RAB38: variants seen among roughly 807,000 people sequenced by gnomAD.
The protein encoded by RAB38 is ras-related protein Rab-38.
In RAB38, 15 loss-of-function variants were observed where a neutral mutation model predicts 18.4. That is an observed-to-expected ratio of 0.82 (90% CI 0.55 to 1.26). RAB38 has a LOEUF of 1.26. Among genes scored for constraint, RAB38 ranks in the 50% most tolerant of loss-of-function variants. The probability of loss-of-function intolerance (pLI) is 0.00; values close to 1 mark genes in which losing one functional copy is unlikely to be tolerated. For synonymous variants in RAB38, 101 were observed against 104.4 expected, an observed-to-expected ratio of 0.97 and a Z score of 0.20; for missense variants, 294 against 267.4, an observed-to-expected ratio of 1.10 and a Z score of -0.69.
At chr11:87,936,668 G>A in the RAB38 span, among the ~76,000 whole-genome samples, 1 of 151,986 alleles carries the variant, frequency 6.6e-6, no homozygotes, top group Admixed American at 6.6e-5. Context: ...TAGCTCATTA[G>A]CCTTCCAATA....
At chr11:88,136,122 G>A (rs1231875386) in intron 2 of RAB38, among the ~76,000 whole-genome samples, 1 of 152,096 alleles carries the variant, frequency 6.6e-6, no homozygotes, top group Non-Finnish European at 1.5e-5. Context: ...ATCACTTTAG[G>A]ATATCTCTGG....
intron 1 of RAB38, among the ~76,000 whole-genome samples, chr11:88,154,538 T>C (rs1943102110): frequency 6.6e-6 from 1 of 152,220 alleles, no homozygotes; most frequent in African/African-American, 2.4e-5. Flanking sequence ...GGGCCCTCTT[T>C]GCTCTACTCC....
the RAB38 span, among the ~76,000 whole-genome samples, chr11:87,872,402 C>T: frequency 6.6e-6 from 1 of 151,642 alleles, no homozygotes; most frequent in East Asian, 2.0e-4. Context: ...CCATCAACAT[C>T]CTGCACCTGG....
At chr11:87,899,058 C>A in the RAB38 span, among the ~76,000 whole-genome samples, 3 of 151,562 alleles carry the variant, frequency 2.0e-5, no homozygotes, top group Non-Finnish European at 4.4e-5. Context: ...AGTAGACTTC[C>A]TATGGAGACA....
At chr11:87,856,299 T>C in the RAB38 span, among the ~76,000 whole-genome samples, 1 of 152,152 alleles carries the variant, frequency 6.6e-6, no homozygotes, top group African/African-American at 2.4e-5. Context: ...ACTCTCTTCA[T>C]ACACTCTTAC....
At chr11:87,895,388 G>A in the RAB38 span, among the ~76,000 whole-genome samples, 3 of 151,594 alleles carry the variant, frequency 2.0e-5, no homozygotes, top group Admixed American at 6.6e-5. Flanking sequence ...TACTGAGGGA[G>A]GGCGATTTGG....
chr11:88,023,545 A>T, the RAB38 span, among the ~76,000 whole-genome samples: 1 of 152,098 alleles, frequency 6.6e-6, no homozygotes, highest in Non-Finnish European at 1.5e-5. Context: ...ATAGAAAAAA[A>T]AATACTAAAA....
chr11:88,173,991 TTCTGA>T lies in RAB38; in HGVS notation c.202+1187_202+1191del, dbSNP rs1307918747. The T allele has an allele frequency of 1.4e-5, 14 of 985,322 alleles. No individual in the cohort carries two copies. The African/African-American group carries it at 2.4e-4, about 17-fold the overall frequency. 61.0% of individuals were successfully genotyped at this position (985,322 alleles called of 1,614,324 possible). On this transcript the variant is annotated intron_variant, in intron 1 of 2. Coordinates refer to ENST00000243662, the MANE Select transcript of RAB38 (RefSeq NM_022337.3). ...ATGCATCAGCTAAAATGAATCCATTTTCTGAAACAGAAGTGGCTAGTTTGGGTCCA... is the reference window on the plus strand; with the variant it reads ...ATGCATCAGCTAAAATGAATCCATTTAACAGAAGTGGCTAGTTTGGGTCCA...
At chr11:87,928,546 GTTTT>G in the RAB38 span, among the ~76,000 whole-genome samples, 1 of 151,430 alleles carries the variant, frequency 6.6e-6, no homozygotes, top group Admixed American at 6.6e-5. Flanking sequence ...AACTGCCGAG[GTTTT>G]TTTTAAGTGA....
chr11:88,033,596 A>G, the RAB38 span, among the ~76,000 whole-genome samples: 1 of 151,788 alleles, frequency 6.6e-6, no homozygotes, highest in Non-Finnish European at 1.5e-5. Context: ...TAATCCACCA[A>G]TCTTAGTCAA....
chr11:88,005,567 T>C, the RAB38 span, among the ~76,000 whole-genome samples: 1 of 150,064 alleles, frequency 6.7e-6, no homozygotes, highest in Non-Finnish European at 1.5e-5. Context: ...TGTTCATTGC[T>C]GTCTTTGCTG....
chr11:88,013,120 T>G, the RAB38 span, among the ~76,000 whole-genome samples: 1 of 152,134 alleles, frequency 6.6e-6, no homozygotes, highest in Admixed American at 6.5e-5. Flanking sequence ...TTTATTTATC[T>G]CAAAAGGCCT....
chr11:87,925,479 A>G, the RAB38 span, among the ~76,000 whole-genome samples: 2 of 152,082 alleles, frequency 1.3e-5, no homozygotes, highest in African/African-American at 4.8e-5. Context: ...CCATAAACTA[A>G]CAAGGACAGT....
At chr11:87,807,768 G>C in the RAB38 span, among the ~76,000 whole-genome samples, 1 of 152,128 alleles carries the variant, frequency 6.6e-6, no homozygotes, top group East Asian at 1.9e-4. Flanking sequence ...CTTTGGGAAG[G>C]AGTAATGTAT....
At chr11:87,957,932 C>T in the RAB38 span, among the ~76,000 whole-genome samples, 43,050 of 151,984 alleles carry the variant, frequency 0.28, 6,803 homozygotes, top group Non-Finnish European at 0.34. Flanking sequence ...GCTCATTTCT[C>T]TTCCCTAGAA....
At chr11:88,073,735 T>G in the RAB38 span, among the ~76,000 whole-genome samples, 3 of 151,066 alleles carry the variant, frequency 2.0e-5, no homozygotes, top group Non-Finnish European at 4.4e-5. Flanking sequence ...TGACAAAAAA[T>G]TCAAAATAGT....
At chr11:87,928,441 T>G in the RAB38 span, among the ~76,000 whole-genome samples, 1 of 152,124 alleles carries the variant, frequency 6.6e-6, no homozygotes, top group South Asian at 2.1e-4. Context: ...TGATATTGAG[T>G]CATCCTTATT....
At chr11:87,854,030 C>G in the RAB38 span, among the ~76,000 whole-genome samples, 8,808 of 152,248 alleles carry the variant, frequency 0.058, 360 homozygotes, top group Non-Finnish European at 0.083. Flanking sequence ...TCTATTGCAT[C>G]TATCTAAAGG....
chr11:87,951,497 G>A, the RAB38 span, among the ~76,000 whole-genome samples: 1 of 143,352 alleles, frequency 7.0e-6, no homozygotes, highest in African/African-American at 2.8e-5. Context: ...TGGTTTTTCT[G>A]CTCTGTTTTT....
Sources: gnomAD v4.1 joint callset for allele counts (sites outside exome capture counted in the v4.1 genomes callset) on GRCh38, gnomAD v4.1.1 for gene constraint, MANE v1.5 for transcripts, NCBI Gene and HGNC (gene_info 2026-07-23, HGNC 2026-07-21) for gene names.